The following GPLD1 variants were observed in gnomAD, a reference collection of about 807,000 sequenced individuals.
GPLD1 encodes the protein phosphatidylinositol-glycan-specific phospholipase D.
Under a neutral mutation model 112.6 loss-of-function variants are expected in GPLD1, and 84 were observed. The observed-to-expected ratio is 0.75, with a 90% CI of 0.63 to 0.89. The LOEUF is 0.89. Ranked by LOEUF, GPLD1 falls within the 40% of genes least tolerant of loss-of-function variation. The pLI, the probability that GPLD1 is intolerant of heterozygous loss-of-function variation, is 0.00. For synonymous variants in GPLD1, 386 were observed against 403.8 expected (o/e 0.96, Z 0.53); for missense variants, 1,044 against 1,051.5 (o/e 0.99, Z 0.10).
In GPLD1 at chr6:24,467,040, T is replaced by C. The variant is rs574247876; in HGVS notation, c.654-101A>G. 1.2e-5 allele frequency: 14 copies of C among 1,142,838 alleles called. 1 individual carries two copies. Among genetic ancestry groups the C allele is most frequent in the South Asian group, 2.5e-5 (2 of 79,884 alleles). The allele number at this position is 1,142,838 out of a possible 1,614,324, so 70.8% of individuals were successfully genotyped here. On this transcript the variant is annotated intron_variant, in intron 8 of 24. Coordinates refer to ENST00000230036, the MANE Select transcript of GPLD1 (RefSeq NM_001503.4). ...TTCCATCCACCCTTTTCCACCGTCATGCAACTGCCTTTGAATAAGCAGAAT... is the reference window on the plus strand; with the variant it reads ...TTCCATCCACCCTTTTCCACCGTCACGCAACTGCCTTTGAATAAGCAGAAT...
intron 5 of GPLD1, 77 bp from the exon 6 acceptor site, chr6:24,473,744 G>T: frequency 2.2e-6 from 2 of 912,862 alleles, no homozygotes; most frequent in Non-Finnish European, 3.5e-6. Flanking sequence ...CAAGCAAGTG[G>T]TGGGAGATGA....
chr6:24,446,951 C>G lies in GPLD1; in HGVS notation c.1707G>C (p.Trp569Cys). The G allele has an allele frequency of 6.2e-7, 1 of 1,613,672 alleles. No homozygotes were observed. Among genetic ancestry groups the G allele is most frequent in the African/African-American group, 1.3e-5 (1 of 75,018 alleles). Residue 569 changes from tryptophan to cysteine, a missense_variant, in exon 18 of 25, where the codon TGG becomes TGC. Coordinates refer to ENST00000230036, the MANE Select transcript of GPLD1 (RefSeq NM_001503.4). ...KEKLNVEAANWTVRGEEDFSW... is the reference protein window; with the variant it reads ...KEKLNVEAANCTVRGEEDFSW... ...AGAAGTCTTCCTCGCCTCTCACCGT[C>G]CAGTTGGCTGCCTCCACGTTCAGTT...
intron 17 of GPLD1, among the ~76,000 whole-genome samples, chr6:24,447,500 AGG>A (rs2127331787): frequency 7.1e-6 from 1 of 140,484 alleles, no homozygotes; most frequent in African/African-American, 2.6e-5. Context: ...TGGGTGACAC[AGG>A]GAGACTCTGT....
chr6:24,447,802 A>C, intron 17 of GPLD1, 75 bp downstream of exon 17: 1 of 1,351,044 alleles, frequency 7.4e-7, no homozygotes, highest in East Asian at 2.3e-5. Flanking sequence ...AAAAGGATAT[A>C]AACCCCTATG....
chr6:24,445,837 A>G lies in GPLD1; in HGVS notation c.1821-6T>C. The G allele has an allele frequency of 6.3e-7, 1 of 1,597,364 alleles. No individual in the cohort carries two copies. Among genetic ancestry groups the G allele is most frequent in the Non-Finnish European group, 8.6e-7 (1 of 1,165,018 alleles). On this transcript the variant is annotated splice_polypyrimidine_tract_variant and splice_region_variant and intron_variant, in intron 18 of 24. Transcript: ENST00000230036. ...TGTGTAACAAATGGCCCAGCCTAGAATGAAGCACACTGGGCTTAGCTGCCA... is the reference window on the plus strand; with the variant it reads ...TGTGTAACAAATGGCCCAGCCTAGAGTGAAGCACACTGGGCTTAGCTGCCA...
At chr6:24,494,346 G>C (rs1341762891), upstream of GPLD1, among the ~76,000 whole-genome samples, 1 of 152,188 alleles carries the variant, frequency 6.6e-6, no homozygotes, top group Non-Finnish European at 1.5e-5. Context: ...TTGGATCCTA[G>C]TCTGTTTATT....
chr6:24,467,381 C>A, intron 7 of GPLD1, 107 bp from the exon 8 acceptor site: 1 of 700,876 alleles, frequency 1.4e-6, no homozygotes, highest in South Asian at 1.7e-5. Flanking sequence ...GTGCCAGGCA[C>A]CATGTAAAAG....
chr6:24,489,604 TTCTC>T (rs1369892312), upstream of GPLD1: 11 of 1,578,776 alleles, frequency 7.0e-6, no homozygotes, highest in South Asian at 9.3e-5. Flanking sequence ...GACCCACCGC[TTCTC>T]TCTAAGCAGG....
chr6:24,465,494 A>G (rs6916802), intron 10 of GPLD1, among the ~76,000 whole-genome samples: 34,298 of 151,888 alleles, frequency 0.23, 5,618 homozygotes, highest in African/African-American at 0.46. Flanking sequence ...GAGCTGAGAT[A>G]ATGCCACTGC....
At chr6:24,439,260 C>T (rs139481636) in intron 20 of GPLD1, among the ~76,000 whole-genome samples, 4 of 152,328 alleles carry the variant, frequency 2.6e-5, no homozygotes, top group Non-Finnish European at 5.9e-5. Flanking sequence ...GGCCCCAGTG[C>T]ATGTGGGAGA....
chr6:24,455,837 A>G (rs1239229070), intron 13 of GPLD1, among the ~76,000 whole-genome samples: 1 of 152,316 alleles, frequency 6.6e-6, no homozygotes, highest in Non-Finnish European at 1.5e-5. Context: ...TATTTGACCA[A>G]GTGTAAGGAG....
chr6:24,429,163 T>C (rs1470941614), intron 24 of GPLD1, 45 bp from the exon 25 acceptor site: 3 of 1,230,968 alleles, frequency 2.4e-6, no homozygotes, highest in Non-Finnish European at 3.6e-6. Flanking sequence ...TCATAACATC[T>C]ATTGAGTTCC....
At chr6:24,432,542 G>A (rs116240317) in intron 24 of GPLD1, among the ~76,000 whole-genome samples, 4,397 of 152,074 alleles carry the variant, frequency 0.029, 144 homozygotes, top group East Asian at 0.14. Context: ...TGGAGGTTGC[G>A]GTGAGCCAAA....
intron 12 of GPLD1, among the ~76,000 whole-genome samples, chr6:24,456,904 C>T (rs1763285306): frequency 6.6e-6 from 1 of 152,150 alleles, no homozygotes; most frequent in Non-Finnish European, 1.5e-5. Flanking sequence ...AGAGTTATCG[C>T]TCTGTCACCA....
upstream of GPLD1, among the ~76,000 whole-genome samples, chr6:24,489,869 A>AT (rs751394583): frequency 2.0e-5 from 3 of 152,132 alleles, no homozygotes; most frequent in Non-Finnish European, 4.4e-5. Context: ...GTCTCCAGAT[A>AT]TTTTTTGCTT....
chr6:24,483,621 C>A (rs1357585970), intron 2 of GPLD1, among the ~76,000 whole-genome samples: 3 of 151,024 alleles, frequency 2.0e-5, no homozygotes, highest in Admixed American at 6.6e-5. Flanking sequence ...GAGGTGAGAT[C>A]ACACCACTGC....
intron 14 of GPLD1, among the ~76,000 whole-genome samples, chr6:24,452,309 T>A (rs1044815354): frequency 6.6e-6 from 1 of 152,214 alleles, no homozygotes; most frequent in African/African-American, 2.4e-5. Flanking sequence ...CAAGATTAGA[T>A]AAATTTATTT....
rs139251423 is a variant in GPLD1 at position 24,478,262 on chromosome 6, G to A, written c.232+1619C>T. Among the ~76,000 whole-genome samples, 139 of 152,282 alleles carry A rather than the reference G, an allele frequency of 9.1e-4. 1 individual carries two copies. The East Asian group carries it at 0.019, about 21-fold the overall frequency. On this transcript the variant is annotated intron_variant, in intron 3 of 24. Coordinates refer to ENST00000230036, the MANE Select transcript of GPLD1 (RefSeq NM_001503.4). The stretch of plus-strand genomic sequence containing the variant: ...TAGAAAGGAGAACTATAACATGCAG[G>A]CAAAATAATAGGATTGAGAAATGAT...
At chr6:24,463,679 T>G (rs2127351378) in intron 10 of GPLD1, among the ~76,000 whole-genome samples, 1 of 152,330 alleles carries the variant, frequency 6.6e-6, no homozygotes, top group East Asian at 1.9e-4. Flanking sequence ...ACTACTTCAT[T>G]GCTTTTTTAA....
Sources: allele counts gnomAD v4.1 joint callset (sites outside exome capture counted in the v4.1 genomes callset), GRCh38; gene constraint gnomAD v4.1.1; transcripts MANE v1.5; gene names NCBI Gene and HGNC (gene_info 2026-07-23, HGNC 2026-07-21).